The following MET variants were observed in gnomAD, a reference collection of about 807,000 sequenced individuals.
MET encodes MET proto-oncogene, receptor tyrosine kinase.
MET carries 48 observed loss-of-function variants against 133.1 expected under a neutral mutation model. That is an observed-to-expected ratio of 0.36 (90% CI 0.29 to 0.46). MET has a LOEUF of 0.46. Ranked by LOEUF, MET falls within the 20% of genes least tolerant of loss-of-function variation. The probability of loss-of-function intolerance (pLI) is 1.00; values close to 1 mark genes in which losing one functional copy is unlikely to be tolerated. For synonymous variants in MET, 628 were observed against 616.5 expected, an observed-to-expected ratio of 1.02 and a Z score of -0.28; for missense variants, 1,442 against 1,695.9, an observed-to-expected ratio of 0.85 and a Z score of 2.63.
At chr7:116,771,708 A>C (rs1794839355) in intron 13 of MET, 54 bp downstream of exon 13, 3 of 1,609,010 alleles carry the variant, frequency 1.9e-6, no homozygotes, top group Non-Finnish European at 2.6e-6. Context: ...CACAGTCATT[A>C]CAGTTTAAGA....
intron 5 of MET, among the ~76,000 whole-genome samples, chr7:116,743,677 T>C (rs1793548461): frequency 6.6e-6 from 1 of 152,194 alleles, no homozygotes; most frequent in Admixed American, 6.5e-5. Context: ...CACAGTGCTC[T>C]AGCTCTGCTA....
chr7:116,675,842 G>T (rs1796141533), intron 1 of MET, among the ~76,000 whole-genome samples: 1 of 150,254 alleles, frequency 6.7e-6, no homozygotes, highest in Non-Finnish European at 1.5e-5. Flanking sequence ...TATGTGTGGG[G>T]CATTCTGCTC....
chr7:116,791,963 A>G (rs2117094412), intron 19 of MET, among the ~76,000 whole-genome samples: 1 of 152,330 alleles, frequency 6.6e-6, no homozygotes, highest in African/African-American at 2.4e-5. Flanking sequence ...TGGCCCACAA[A>G]TGCATTTTTC....
chr7:116,774,649 G>C (rs1422036465), intron 14 of MET, among the ~76,000 whole-genome samples: 1 of 152,126 alleles, frequency 6.6e-6, no homozygotes, highest in African/African-American at 2.4e-5. Flanking sequence ...TATTGATAAA[G>C]AGAGAAATGT....
intron 2 of MET, chr7:116,724,955 A>G (rs1366504099): frequency 1.6e-5 from 15 of 955,780 alleles, no homozygotes; most frequent in South Asian, 3.1e-5. Context: ...CATTGTAAAC[A>G]CTAGGAACAA....
rs1323910749 is a variant in MET, at chr7:116,796,415, C to G, written c.*291C>G. ...GTTGAATTTTTTAAAAATCAGGTAC[C>G]ACTTGATTTCATATGGGAAATTGAA... On this transcript the variant is annotated 3_prime_UTR_variant, in exon 21 of 21. Coordinates refer to ENST00000397752, the MANE Select transcript of MET (RefSeq NM_000245.4). 4.2e-6 allele frequency: 2 copies of G among 479,810 alleles called. No homozygotes were observed. Among genetic ancestry groups the G allele is most frequent in the African/African-American group, 3.8e-5 (2 of 52,124 alleles). 29.7% of individuals were successfully genotyped at this position (479,810 alleles called of 1,614,324 possible).
rs1162243103 is a variant in MET, at chr7:116,771,946, G to C, written c.2985G>C (p.Met995Ile). Reference sequence around the variant, plus strand: ...GAAGTGTAAGCCCAACTACAGAAATGGTTTCAAATGAATCTGTAGACTACC... The same window carrying C: ...GAAGTGTAAGCCCAACTACAGAAATCGTTTCAAATGAATCTGTAGACTACC... Reference protein sequence around the residue: ...SARSVSPTTEMVSNESVDYRA... With the variant: ...SARSVSPTTEIVSNESVDYRA... The change falls in exon 14 of 21, where the codon ATG becomes ATC. Residue 995 changes from methionine (M) to isoleucine (I), a missense_variant. This residue lies in a region of MET where 514 missense variants were observed against 659.6 expected (regional missense o/e 0.78). Transcript: ENST00000397752. 1 of 1,613,818 alleles carries C rather than the reference G, an allele frequency of 6.2e-7. No individual in the cohort carries two copies. Among genetic ancestry groups the C allele is most frequent in the Non-Finnish European group, 8.5e-7 (1 of 1,179,814 alleles).
intron 1 of MET, among the ~76,000 whole-genome samples, chr7:116,676,993 T>G (rs903086609): frequency 1.3e-5 from 2 of 151,790 alleles, no homozygotes; most frequent in African/African-American, 2.4e-5. Context: ...GTTTTGTTTT[T>G]TTTTTTGTTT....
At chr7:116,686,508 G>C (rs1031434598) in intron 1 of MET, among the ~76,000 whole-genome samples, 1 of 152,144 alleles carries the variant, frequency 6.6e-6, no homozygotes, top group African/African-American at 2.4e-5. Flanking sequence ...CTTGTTATGG[G>C]TATTAATTGT....
At chr7:116,741,596 C>A (rs370278865) in intron 5 of MET, among the ~76,000 whole-genome samples, 19 of 152,308 alleles carry the variant, frequency 1.2e-4, no homozygotes, top group South Asian at 1.2e-3. Context: ...TGTCTGTTCA[C>A]AGATGAGACT....
At chr7:116,694,435 G>T (rs1458720632) in intron 1 of MET, among the ~76,000 whole-genome samples, 2 of 152,018 alleles carry the variant, frequency 1.3e-5, no homozygotes, top group Non-Finnish European at 2.9e-5. Flanking sequence ...ATGTAAAGAA[G>T]GTGTAGGAGA....
chr7:116,704,814 T>C (rs1294182538), intron 2 of MET, among the ~76,000 whole-genome samples: 1 of 152,138 alleles, frequency 6.6e-6, no homozygotes, highest in Admixed American at 6.5e-5. Flanking sequence ...ATTACTCTTA[T>C]GTACTTTGTC....
chr7:116,768,838 C>T (rs563453170), intron 11 of MET, among the ~76,000 whole-genome samples: 6 of 152,236 alleles, frequency 3.9e-5, no homozygotes, highest in Non-Finnish European at 7.4e-5. Context: ...GCACTTCTTT[C>T]GCAAGGCTAA....
At position 116,769,892 on chromosome 7, in the gene MET, G is replaced by T; in HGVS notation, c.2730+101G>T. The T allele has an allele frequency of 1.9e-6, 3 of 1,544,542 alleles. No homozygotes were observed. In the South Asian group the frequency reaches 3.4e-5, roughly 18 times the overall value. On this transcript the variant is annotated intron_variant, in intron 12 of 20. Transcript: ENST00000397752. ...ATCATTAAAGCTCATTTATGTGTGGGTTTTGGCTCATCAACTCAGCCTGCA... is the reference window on the plus strand; with the variant it reads ...ATCATTAAAGCTCATTTATGTGTGGTTTTTGGCTCATCAACTCAGCCTGCA...
At chr7:116,733,062 C>T (rs1793078475) in intron 3 of MET, among the ~76,000 whole-genome samples, 1 of 151,898 alleles carries the variant, frequency 6.6e-6, no homozygotes, top group Non-Finnish European at 1.5e-5. Flanking sequence ...CTTGTTTATC[C>T]AACTCATCCA....
Position 116,699,689 on chromosome 7 carries a change from A to C in MET, c.605A>C (p.Asn202Thr), listed in dbSNP as rs1791491672. 1 of 1,613,920 alleles carries C rather than the reference A, an allele frequency of 6.2e-7. No individual in the cohort carries two copies. Among genetic ancestry groups the C allele is most frequent in the African/African-American group, 1.3e-5 (1 of 74,914 alleles). The change falls in exon 2 of 21, where the codon AAT becomes ACT. Residue 202 changes from asparagine (N) to threonine (T), a missense_variant. This residue lies in a region of MET where 762 missense variants were observed against 792.4 expected (regional missense o/e 0.96). Coordinates refer to ENST00000397752, the MANE Select transcript of MET (RefSeq NM_000245.4). ...AACTTCTTTGTAGGCAATACCATAA[A>C]TTCTTCTTATTTCCCAGATCATCCA... ...FINFFVGNTI[N>T]SSYFPDHPLH... is the part of the protein sequence containing the mutation.
At chr7:116,700,979 G>A (rs1050550558) in intron 2 of MET, among the ~76,000 whole-genome samples, 8 of 152,160 alleles carry the variant, frequency 5.3e-5, no homozygotes, top group Admixed American at 3.9e-4. Context: ...TGTCTACCAA[G>A]TTCTAGCTTG....
intron 11 of MET, among the ~76,000 whole-genome samples, chr7:116,763,477 C>G (rs1457971276): frequency 1.3e-5 from 2 of 152,160 alleles, no homozygotes; most frequent in African/African-American, 4.8e-5. Flanking sequence ...AAAACCCTTT[C>G]TTGTGTATGT....
intron 1 of MET, among the ~76,000 whole-genome samples, chr7:116,685,465 G>A (rs80019847): frequency 0.13 from 19,440 of 151,862 alleles, 2,151 homozygotes; most frequent in African/African-American, 0.3. Flanking sequence ...ATAGTGAGGC[G>A]GGTGGTGGTC....
Sources: gnomAD v4.1 joint callset for allele counts (sites outside exome capture counted in the v4.1 genomes callset) on GRCh38, gnomAD v4.1.1 for gene constraint, gnomAD v4.1.1 regional missense constraint, MANE v1.5 for transcripts, NCBI Gene and HGNC (gene_info 2026-07-23, HGNC 2026-07-21) for gene names.